Variants in MYBPC1 observed in about 807,000 individuals in gnomAD.
MYBPC1 encodes myosin-binding protein C, slow-type.
A neutral mutation model predicts 147.1 loss-of-function variants in MYBPC1; 52 were observed. The ratio of observed to expected loss-of-function variants is 0.35; its 90% CI spans 0.28 to 0.45. MYBPC1 has a LOEUF of 0.45. MYBPC1 is among the 20% of genes least tolerant of loss of function. The pLI is 1.00. For missense variants in MYBPC1, 1,228 were observed against 1,440.3 expected (o/e 0.85, Z 2.39); for synonymous variants, 477 against 475.9 (o/e 1.00, Z -0.03).
At chr12:101,638,957 C>A (rs376994912) in intron 10 of MYBPC1, among the ~76,000 whole-genome samples, 2 of 146,220 alleles carry the variant, frequency 1.4e-5, no homozygotes, top group African/African-American at 5.0e-5. Flanking sequence ...CATGCGTTTT[C>A]ATTGCGGTAA....
At chr12:101,689,234 G>C (rs1594111510), downstream of MYBPC1, among the ~76,000 whole-genome samples, 3 of 152,292 alleles carry the variant, frequency 2.0e-5, no homozygotes, top group East Asian at 5.8e-4. Flanking sequence ...GGGAGATTGA[G>C]AAATTCTCTG....
rs1454116552 is a variant in MYBPC1, at chr12:101,667,117, T to A, written c.2357-615T>A. ...ACAAGCTGCCAAAAACTTTTTAAAA[T>A]TAGATTTTGGTTGCAAGGATAGAAT... On this transcript the variant is annotated intron_variant, in intron 22 of 31. Coordinates refer to ENST00000361466, the MANE Select transcript of MYBPC1 (RefSeq NM_002465.4). 4.6e-5 allele frequency among the ~76,000 whole-genome samples: 7 copies of A among 152,202 alleles called. No homozygotes were observed. In the East Asian group the frequency reaches 1.3e-3, roughly 29 times the overall value.
At chr12:101,687,758 C>G (rs1338778722), downstream of MYBPC1, among the ~76,000 whole-genome samples, 2 of 152,218 alleles carry the variant, frequency 1.3e-5, no homozygotes. Context: ...ACTCTGAGCA[C>G]TTTGGCCAAG....
intron 3 of MYBPC1, among the ~76,000 whole-genome samples, chr12:101,620,618 T>C (rs1887149605): frequency 6.6e-6 from 1 of 152,154 alleles, no homozygotes. Flanking sequence ...CAACATCCTA[T>C]GTCTGAACAT....
intron 3 of MYBPC1, among the ~76,000 whole-genome samples, chr12:101,620,205 A>T (rs186045301): frequency 1.0e-3 from 156 of 152,346 alleles, no homozygotes; most frequent in East Asian, 3.1e-3. Context: ...CAGAAATTAG[A>T]TGTGCAAATC....
rs144236645 is a variant in MYBPC1 at position 101,653,128 on chromosome 12, C to A, written c.1647C>A (p.Ile549=). The A allele has an allele frequency of 1.2e-6, 2 of 1,613,982 alleles. No homozygotes were observed. The highest frequency in any genetic ancestry group is 1.7e-6 in the Non-Finnish European group (2 of 1,179,928). The change falls in exon 18 of 32, where the codon ATC becomes ATA. Residue 549 remains isoleucine, a synonymous_variant. Coordinates refer to ENST00000361466, the MANE Select transcript of MYBPC1 (RefSeq NM_002465.4). The part of the protein sequence containing the change: ...AKVHVIDPPK[I]ILDGLDADNT... ...TTAATATTCTAGATCCTCCTAAGAT[C>A]ATCCTGGATGGTCTTGATGCTGACA...
intron 23 of MYBPC1, among the ~76,000 whole-genome samples, chr12:101,668,857 C>T (rs916132018): frequency 3.3e-5 from 5 of 152,068 alleles, no homozygotes; most frequent in South Asian, 2.1e-4. Context: ...GAGGCTGAGG[C>T]GGGCAGATCA....
At chr12:101,676,176 A>G (rs1007428596) in intron 26 of MYBPC1, among the ~76,000 whole-genome samples, 1 of 152,210 alleles carries the variant, frequency 6.6e-6, no homozygotes, top group Non-Finnish European at 1.5e-5. Context: ...AAGCCAAAAG[A>G]TTGAAAACCC....
the MYBPC1 span, among the ~76,000 whole-genome samples, chr12:101,695,208 C>T: frequency 2.0e-5 from 3 of 152,154 alleles, no homozygotes; most frequent in African/African-American, 4.8e-5. Context: ...AGACATATTC[C>T]AAGACCCACA....
At chr12:101,620,695 T>C (rs898706003) in intron 3 of MYBPC1, among the ~76,000 whole-genome samples, 1 of 152,194 alleles carries the variant, frequency 6.6e-6, no homozygotes, top group Non-Finnish European at 1.5e-5. Flanking sequence ...CGAAAATGGT[T>C]CTGTGGCTGG....
At chr12:101,673,924 G>A (rs1364618172) in intron 25 of MYBPC1, among the ~76,000 whole-genome samples, 2 of 152,048 alleles carry the variant, frequency 1.3e-5, no homozygotes, top group Non-Finnish European at 2.9e-5. Context: ...ATGGTGGCGT[G>A]CACCTGTAAT....
At chr12:101,689,791 G>C (rs982399403), downstream of MYBPC1, among the ~76,000 whole-genome samples, 2 of 152,144 alleles carry the variant, frequency 1.3e-5, no homozygotes, top group African/African-American at 4.8e-5. Context: ...CTCCACCCAA[G>C]CCTCCTAAGA....
intron 25 of MYBPC1, among the ~76,000 whole-genome samples, 200 bp downstream of exon 25, chr12:101,673,822 G>A (rs1899248163): frequency 6.6e-6 from 1 of 152,164 alleles, no homozygotes; most frequent in South Asian, 2.1e-4. Context: ...GGAGGCCAAC[G>A]TAGGCGGATC....
chr12:101,643,956 C>T (rs1432688629), intron 11 of MYBPC1, among the ~76,000 whole-genome samples: 1 of 152,172 alleles, frequency 6.6e-6, no homozygotes, highest in Non-Finnish European at 1.5e-5. Flanking sequence ...AAAAAACCAT[C>T]TGTGACTTAG....
chr12:101,676,235 T>C (rs1298764708), intron 26 of MYBPC1, among the ~76,000 whole-genome samples: 2 of 152,186 alleles, frequency 1.3e-5, no homozygotes, highest in African/African-American at 4.8e-5. Flanking sequence ...TGACTTATTA[T>C]AAACTTATTT....
intron 27 of MYBPC1, 64 bp downstream of exon 27, chr12:101,677,458 G>A: frequency 6.3e-7 from 1 of 1,588,516 alleles, no homozygotes; most frequent in Non-Finnish European, 8.6e-7. Context: ...GAGAAGACTG[G>A]AAAAAGAGAT....
intron 5 of MYBPC1, among the ~76,000 whole-genome samples, chr12:101,628,599 G>T (rs751195730): frequency 6.6e-6 from 1 of 152,096 alleles, no homozygotes; most frequent in Non-Finnish European, 1.5e-5. Context: ...TTTTTTTCCA[G>T]TTACTAAATG....
chr12:101,643,449 T>G (rs918495885), intron 11 of MYBPC1, among the ~76,000 whole-genome samples: 1 of 152,194 alleles, frequency 6.6e-6, no homozygotes, highest in African/African-American at 2.4e-5. Context: ...AGCTGAACTT[T>G]GTTATTGTTA....
intron 7 of MYBPC1, 29 bp downstream of exon 7, chr12:101,631,748 C>G: frequency 6.2e-7 from 1 of 1,613,668 alleles, no homozygotes; most frequent in Non-Finnish European, 8.5e-7. Context: ...AGGACAGGCG[C>G]TCAGCTAGCG....
Sources: allele counts gnomAD v4.1 joint callset (sites outside exome capture counted in the v4.1 genomes callset), GRCh38; gene constraint gnomAD v4.1.1; transcripts MANE v1.5; gene names NCBI Gene and HGNC (gene_info 2026-07-23, HGNC 2026-07-21).